CDC37L1: variants seen among roughly 807,000 people sequenced by gnomAD.
The protein encoded by CDC37L1 is hsp90 co-chaperone Cdc37-like 1.
In CDC37L1, 32 loss-of-function variants were observed where a neutral mutation model predicts 45.9. The observed-to-expected ratio is 0.70, with a 90% CI of 0.53 to 0.94. The LOEUF (loss-of-function observed/expected upper bound fraction) is 0.94, where lower values mean the gene tolerates loss of function less well. Ranked by LOEUF, CDC37L1 falls within the 40% of genes least tolerant of loss-of-function variation. The probability of loss-of-function intolerance (pLI) is 0.00; values close to 1 mark genes in which losing one functional copy is unlikely to be tolerated. For synonymous variants in CDC37L1, 150 were observed against 133.0 expected, an observed-to-expected ratio of 1.13 and a Z score of -0.88; for missense variants, 434 against 405.7, an observed-to-expected ratio of 1.07 and a Z score of -0.60.
intron 1 of CDC37L1, 124 bp downstream of exon 1, chr9:4,680,023 G>A: frequency 8.1e-7 from 1 of 1,234,334 alleles, no homozygotes; most frequent in Non-Finnish European, 1.1e-6. Context: ...CAGGGGCCGG[G>A]GACCTGGGAC....
chr9:4,688,107 C>A (rs1166299421), intron 2 of CDC37L1, among the ~76,000 whole-genome samples: 1 of 152,214 alleles, frequency 6.6e-6, no homozygotes. Context: ...ACGCAAGATT[C>A]TCCTGCCTCA....
intron 1 of CDC37L1, among the ~76,000 whole-genome samples, chr9:4,684,012 G>A (rs1409298229): frequency 1.2e-4 from 18 of 152,188 alleles, no homozygotes; most frequent in Non-Finnish European, 1.9e-4. Flanking sequence ...GTGGCCAGGC[G>A]CAGTGGCTCA....
At chr9:4,699,804 CTG>C (rs899138383) in intron 5 of CDC37L1, among the ~76,000 whole-genome samples, 6 of 152,060 alleles carry the variant, frequency 3.9e-5, no homozygotes, top group African/African-American at 1.4e-4. Flanking sequence ...GCTGAATAAA[CTG>C]TGCGCATATC....
chr9:4,684,936 T>C lies in CDC37L1; in HGVS notation c.192T>C (p.Ser64=), dbSNP rs1435648218. The part of the protein sequence containing the change: ...CQKQKEFVKS[S]VACKWNLAEA... ...AGCAGAAAGAGTTTGTGAAGAGCTC[T>C]GTGGCGTGCAAATGGAATCTTGCTG... Residue 64 remains serine (S), a synonymous_variant, in exon 2 of 7, where the codon TCT becomes TCC. Coordinates refer to ENST00000381854, the MANE Select transcript of CDC37L1 (RefSeq NM_017913.4). The C allele has an allele frequency of 6.2e-7, 1 of 1,613,830 alleles. No individual in the cohort carries two copies. The highest frequency in any genetic ancestry group is 8.5e-7 in the Non-Finnish European group (1 of 1,179,772).
At chr9:4,682,992 A>T in intron 1 of CDC37L1, among the ~76,000 whole-genome samples, 1 of 144,416 alleles carries the variant, frequency 6.9e-6, no homozygotes, top group Admixed American at 7.0e-5. Context: ...AAAATATTTT[A>T]TATTAAAATA....
chr9:4,688,200 A>T (rs527873939), intron 2 of CDC37L1, among the ~76,000 whole-genome samples: 2 of 152,112 alleles, frequency 1.3e-5, no homozygotes, highest in Non-Finnish European at 2.9e-5. Context: ...GGGTTTCACT[A>T]TGTTGGCCAG....
intron 5 of CDC37L1, among the ~76,000 whole-genome samples, chr9:4,700,829 C>T (rs1337421425): frequency 6.6e-6 from 1 of 152,158 alleles, no homozygotes; most frequent in East Asian, 1.9e-4. Context: ...CCACAAATTA[C>T]TTAATAATAC....
At chr9:4,696,182 TTTG>T (rs1377404334) in intron 3 of CDC37L1, among the ~76,000 whole-genome samples, 1 of 152,208 alleles carries the variant, frequency 6.6e-6, no homozygotes, top group African/African-American at 2.4e-5. Flanking sequence ...TGTCTTCAGT[TTTG>T]TTCTTTCTTG....
chr9:4,697,138 A>G lies in CDC37L1; in HGVS notation c.551A>G (p.Asp184Gly). The change falls in exon 4 of 7, where the codon GAC (aspartate) becomes GGC (glycine). Residue 184 changes from aspartate to glycine, a missense_variant. Transcript: ENST00000381854. The part of the protein sequence containing the change: ...RWDDSQRFLS[D>G]HPYLVCEETA... ...GATGATAGCCAGAGATTTTTGTCTGACCATCCATACCTTGTATGTGAAGAA... is the reference window on the plus strand; with the variant it reads ...GATGATAGCCAGAGATTTTTGTCTGGCCATCCATACCTTGTATGTGAAGAA... 6.3e-7 allele frequency: 1 copy of G among 1,593,912 alleles called. No homozygotes were observed. The highest frequency in any genetic ancestry group is 8.6e-7 in the Non-Finnish European group (1 of 1,162,730).
At chr9:4,683,882 A>G (rs1351127063) in intron 1 of CDC37L1, among the ~76,000 whole-genome samples, 6 of 152,254 alleles carry the variant, frequency 3.9e-5, no homozygotes, top group Non-Finnish European at 8.8e-5. Flanking sequence ...AATATAGGGT[A>G]TTGAATGTCT....
chr9:4,700,536 T>C (rs1355440049), intron 5 of CDC37L1, among the ~76,000 whole-genome samples: 1 of 152,248 alleles, frequency 6.6e-6, no homozygotes, highest in Non-Finnish European at 1.5e-5. Flanking sequence ...AAACTGGTGT[T>C]TAATAAAATA....
intron 1 of CDC37L1, among the ~76,000 whole-genome samples, chr9:4,680,616 A>C (rs1475903924): frequency 2.1e-5 from 1 of 48,678 alleles, no homozygotes; most frequent in Non-Finnish European, 3.6e-5. Flanking sequence ...TCCAAATGTG[A>C]TATACTATTA....
intron 3 of CDC37L1, among the ~76,000 whole-genome samples, chr9:4,695,940 C>G (rs1841343794): frequency 6.6e-6 from 1 of 152,168 alleles, no homozygotes; most frequent in African/African-American, 2.4e-5. Context: ...TACCTGCCAC[C>G]ATGCCCAACT....
chr9:4,704,123 A>G (rs1481446757), intron 6 of CDC37L1, among the ~76,000 whole-genome samples: 1 of 152,250 alleles, frequency 6.6e-6, no homozygotes, highest in African/African-American at 2.4e-5. Flanking sequence ...ATCTTACCAT[A>G]ATAATAACAT....
intron 1 of CDC37L1, among the ~76,000 whole-genome samples, chr9:4,683,395 T>A (rs184255262): frequency 2.3e-4 from 35 of 152,022 alleles, no homozygotes; most frequent in African/African-American, 8.4e-4. Context: ...TATGCATAAC[T>A]TGGGTCGGGA....
chr9:4,687,379 A>G (rs1386516414), intron 2 of CDC37L1, among the ~76,000 whole-genome samples: 3 of 152,188 alleles, frequency 2.0e-5, no homozygotes, highest in Admixed American at 1.3e-4. Flanking sequence ...TAAGAAGTTT[A>G]TTAGAAATGC....
chr9:4,695,638 G>A (rs1442406455), intron 3 of CDC37L1, among the ~76,000 whole-genome samples: 1 of 151,902 alleles, frequency 6.6e-6, no homozygotes, highest in African/African-American at 2.4e-5. Context: ...GGGACTACAG[G>A]TGCACACTAC....
chr9:4,695,978 G>C lies in CDC37L1; in HGVS notation c.509-1118G>C, dbSNP rs182779193. On this transcript the variant is annotated intron_variant, in intron 3 of 6. Coordinates refer to ENST00000381854, the MANE Select transcript of CDC37L1 (RefSeq NM_017913.4). ...TTTTTATATTTTTAGTAGAGACAGG[G>C]TTTTACCATGTTGGCCAGGCTGGTC... Among the ~76,000 whole-genome samples, 10 of 152,312 alleles carry C rather than the reference G, an allele frequency of 6.6e-5. No homozygotes were observed. In the East Asian group the frequency reaches 1.9e-3, roughly 29 times the overall value.
intron 1 of CDC37L1, among the ~76,000 whole-genome samples, chr9:4,682,164 T>C (rs1209882814): frequency 6.8e-6 from 1 of 146,198 alleles, no homozygotes; most frequent in Non-Finnish European, 1.5e-5. Flanking sequence ...CCTTTCTCTT[T>C]TTTTTTTTTT....
Sources: gnomAD v4.1 joint callset for allele counts (sites outside exome capture counted in the v4.1 genomes callset) on GRCh38, gnomAD v4.1.1 for gene constraint, MANE v1.5 for transcripts, NCBI Gene and HGNC (gene_info 2026-07-23, HGNC 2026-07-21) for gene names.